Variants in GK observed in about 807,000 individuals in gnomAD.
GK encodes glycerol kinase, also known as ATP:glycerol 3-phosphotransferase.
In GK, 9 loss-of-function variants were observed where a neutral mutation model predicts 56.4. The ratio of observed to expected loss-of-function variants is 0.16; its 90% CI spans 0.10 to 0.28. GK has a LOEUF of 0.28. Among genes scored for constraint, GK ranks in the 10% least tolerant of loss-of-function variants. The pLI, the probability that GK is intolerant of heterozygous loss-of-function variation, is 1.00. For missense variants in GK, 161 were observed against 431.4 expected (o/e 0.37, Z 5.55); for synonymous variants, 104 against 144.1 (o/e 0.72, Z 1.99).
chrX:30,685,439 A>AT (rs1022494077), intron 4 of GK, among the ~76,000 whole-genome samples: 6 of 111,223 alleles, frequency 5.4e-5, no homozygotes, highest in East Asian at 2.8e-4. Flanking sequence ...GGCTAAAAGT[A>AT]TTTTTTTTCA....
At chrX:30,705,199 T>C (rs2147230407) in intron 11 of GK, among the ~76,000 whole-genome samples, 1 of 111,929 alleles carries the variant, frequency 8.9e-6, no homozygotes, top group South Asian at 3.7e-4. Flanking sequence ...AGATTGGGAT[T>C]GAAAATTTAG....
chrX:30,668,697 G>A (rs1052799272), intron 3 of GK, among the ~76,000 whole-genome samples: 1 of 111,791 alleles, frequency 8.9e-6, no homozygotes. Flanking sequence ...TTAGGATTTT[G>A]GATGTTATTC....
intron 8 of GK, among the ~76,000 whole-genome samples, chrX:30,697,272 A>T (rs191952102): frequency 1.2e-4 from 14 of 112,354 alleles, no homozygotes; most frequent in Middle Eastern, 4.6e-3. Flanking sequence ...AACATCAGGA[A>T]TGAAAACCTC....
At chrX:30,686,472 C>A (rs1272514401) in intron 4 of GK, among the ~76,000 whole-genome samples, 1 of 111,875 alleles carries the variant, frequency 8.9e-6, no homozygotes, top group Non-Finnish European at 1.9e-5. Context: ...GACAGACCAT[C>A]TCAGAGAAGA....
At chrX:30,654,913 T>G (rs1932142787) in intron 1 of GK, among the ~76,000 whole-genome samples, 1 of 111,959 alleles carries the variant, frequency 8.9e-6, no homozygotes, top group South Asian at 3.7e-4. Flanking sequence ...TTAGTATGTA[T>G]ATATCTGTAC....
chrX:30,702,189 T>C lies in GK; in HGVS notation c.851+1284T>C, dbSNP rs763198517. ...TCCCGAGTAGCTGGGATTATAGGCA[T>C]GCGCCACCACGCCCAGCTAATTTTG... On this transcript the variant is annotated intron_variant, in intron 11 of 20. Transcript: ENST00000427190. 6.3e-5 allele frequency among the ~76,000 whole-genome samples: 7 copies of C among 110,685 alleles called. No individual in the cohort carries two copies. In the South Asian group the frequency reaches 2.3e-3, roughly 36 times the overall value.
Position 30,726,122 on chromosome X carries a change from A to G in GK, c.1583-1344A>G, listed in dbSNP as rs184979094. On this transcript the variant is annotated intron_variant, in intron 19 of 20. Coordinates refer to ENST00000427190, the MANE Select transcript of GK (RefSeq NM_001205019.2). ...TGTGTACTTTACTATCAATGAATTT[A>G]AAATACTAAGAAAAAGTTGATAAAA... 1.1e-4 allele frequency among the ~76,000 whole-genome samples: 12 copies of G among 111,685 alleles called. No homozygotes were observed. The East Asian group carries it at 2.8e-3, about 26-fold the overall frequency.
Position 30,696,275 on chromosome X carries a change from T to C in GK, c.662+124T>C, listed in dbSNP as rs372499152. 7 of 506,982 alleles carry C rather than the reference T, an allele frequency of 1.4e-5. No homozygotes were observed. In the African/African-American group the frequency reaches 1.6e-4, roughly 12 times the overall value. 41.8% of individuals were successfully genotyped at this position (506,982 alleles called of 1,213,427 possible). A position where few individuals can be genotyped will look rare whatever the true frequency, so the allele number is the denominator to read the frequency against. On this transcript the variant is annotated intron_variant, in intron 7 of 20. Transcript: ENST00000427190. ...AACTGTTGATATTTCAACTACAATA[T>C]GCAAATCTATGTTATGTGTTTTTTA...
intron 4 of GK, among the ~76,000 whole-genome samples, chrX:30,686,105 A>G (rs1276293003): frequency 8.9e-6 from 1 of 112,557 alleles, no homozygotes; most frequent in Non-Finnish European, 1.9e-5. Flanking sequence ...GGCATTTTAT[A>G]CCCAAGAGCT....
chrX:30,691,006 A>G, intron 4 of GK, 117 bp from the exon 5 acceptor site: 2 of 459,866 alleles, frequency 4.3e-6, no homozygotes, highest in Non-Finnish European at 7.7e-6. Context: ...CTTAAAAGCT[A>G]TAGAATTTTA....
In GK at chrX:30,660,812, C is replaced by CT. The variant is rs57537572; in HGVS notation, c.79-4682dup. 4.1e-3 allele frequency among the ~76,000 whole-genome samples: 344 copies of CT among 83,298 alleles called. 2 individuals carry two copies. Among genetic ancestry groups the CT allele is most frequent in the African/African-American group, 9.9e-3 (217 of 21,829 alleles). The allele number at this position is 83,298 out of a possible 115,157, so 72.3% of individuals were successfully genotyped here. ...AACAGATTTTTTTTTTTTCTTTCTT[C>CT]TTTTTTTTTTTTTTTTTCCGAGACG... is the stretch of plus-strand genomic sequence containing the variant. On this transcript the variant is annotated intron_variant, in intron 1 of 20. Transcript: ENST00000427190.
intron 5 of GK, among the ~76,000 whole-genome samples, chrX:30,691,529 A>G (rs1462979730): frequency 1.0e-5 from 1 of 99,295 alleles, no homozygotes; most frequent in Non-Finnish European, 2.0e-5. Flanking sequence ...CTGGAGTGCA[A>G]TGGTGTGATC....
At chrX:30,677,275 A>G in intron 3 of GK, 100 bp from the exon 4 acceptor site, 2 of 554,885 alleles carry the variant, frequency 3.6e-6, no homozygotes, top group Non-Finnish European at 3.3e-6. Context: ...TTGATTTGCT[A>G]TGTTTAGTTG....
intron 3 of GK, chrX:30,672,224 C>T (rs1933577378): frequency 1.1e-5 from 1 of 91,593 alleles, no homozygotes. Context: ...GAAAACACAA[C>T]ATAAACTCTT....
chrX:30,683,287 C>T (rs139930044), intron 4 of GK, among the ~76,000 whole-genome samples: 481 of 111,046 alleles, frequency 4.3e-3, no homozygotes, highest in African/African-American at 0.015. Context: ...AACTCCTGGC[C>T]TCAAGTGATC....
At chrX:30,703,918 A>G (rs1447168078) in intron 11 of GK, among the ~76,000 whole-genome samples, 4 of 106,165 alleles carry the variant, frequency 3.8e-5, no homozygotes, top group African/African-American at 1.4e-4. Flanking sequence ...CCGAGATTGC[A>G]TCACTGCACT....
At chrX:30,699,157 AC>A (rs1385393408) in intron 9 of GK, among the ~76,000 whole-genome samples, 13 of 100,908 alleles carry the variant, frequency 1.3e-4, no homozygotes, top group African/African-American at 4.6e-4. Flanking sequence ...CTAGTACATC[AC>A]CCCTACTTCA....
At chrX:30,687,886 T>C (rs1280479911) in intron 4 of GK, among the ~76,000 whole-genome samples, 1 of 112,250 alleles carries the variant, frequency 8.9e-6, no homozygotes. Context: ...GTGAATTGCT[T>C]GGTAGTGTAC....
intron 6 of GK, chrX:30,695,005 C>T (rs1350027854): frequency 7.1e-6 from 2 of 283,382 alleles, no homozygotes; most frequent in Admixed American, 8.9e-5. Flanking sequence ...ATCTTTTTGC[C>T]TAAGCTGAAT....
Sources: gnomAD v4.1 joint callset for allele counts (sites outside exome capture counted in the v4.1 genomes callset) on GRCh38, gnomAD v4.1.1 for gene constraint, MANE v1.5 for transcripts, NCBI Gene and HGNC (gene_info 2026-07-23, HGNC 2026-07-21) for gene names.